BBS4: variants seen among roughly 807,000 people sequenced by gnomAD.
The protein encoded by BBS4 is Bardet-Biedl syndrome 4.
Under a neutral mutation model 71.4 loss-of-function variants are expected in BBS4, and 58 were observed. The observed-to-expected ratio is 0.81, with a 90% CI of 0.66 to 1.01. BBS4 has a LOEUF of 1.01. BBS4 is among the 50% of genes least tolerant of loss of function. The pLI is 0.00. For synonymous variants in BBS4, 228 were observed against 216.8 expected (o/e 1.05, Z -0.46); for missense variants, 660 against 607.9 (o/e 1.09, Z -0.90).
In BBS4 at chr15:72,738,291, AAAGG is replaced by A. The variant is rs1229768932; in HGVS notation, c.*708_*711del. On this transcript the variant is annotated 3_prime_UTR_variant, in exon 16 of 16. Transcript: ENST00000268057. The stretch of plus-strand genomic sequence containing the variant: ...ATCAGCACCAACGATTTTAAAGAAA[AAAGG>A]AAGAGTTTCTTAGATGAGTAATTGT... The A allele has an allele frequency of 4.4e-6, 2 of 453,978 alleles. No individual in the cohort carries two copies. Among genetic ancestry groups the A allele is most frequent in the African/African-American group, 4.0e-5 (2 of 50,002 alleles). 28.1% of individuals were successfully genotyped at this position (453,978 alleles called of 1,614,324 possible).
intron 2 of BBS4, among the ~76,000 whole-genome samples, chr15:72,704,882 AAAAACAAAACAAAAC>A (rs543644919): frequency 1.3e-5 from 2 of 152,054 alleles, no homozygotes; most frequent in African/African-American, 4.8e-5. Context: ...TCCATCTCAA[AAAAACAAAACAAAAC>A]AAAACAAAAC....
At chr15:72,686,704 G>A (rs1325423406) in intron 1 of BBS4, 1 of 635,318 alleles carries the variant, frequency 1.6e-6, no homozygotes, top group East Asian at 6.6e-5. Context: ...GTTTAGGAAA[G>A]TACGGTTTTG....
intron 2 of BBS4, among the ~76,000 whole-genome samples, chr15:72,705,399 C>T (rs1330522205): frequency 4.6e-5 from 7 of 152,148 alleles, no homozygotes; most frequent in South Asian, 4.1e-4. Context: ...TTTGATGGAA[C>T]GAAAATTAGC....
At chr15:72,728,102 T>C (rs1393731292) in intron 9 of BBS4, 108 bp downstream of exon 9, 2 of 793,280 alleles carry the variant, frequency 2.5e-6, no homozygotes, top group Admixed American at 2.0e-5. Flanking sequence ...AAAGGTCATA[T>C]AAAGTTCATG....
chr15:72,735,820 C>T lies in BBS4; in HGVS notation c.1107-5C>T. Reference sequence around the variant, plus strand: ...CCAGCTCCATAGAATCTCTGTCTGCCACAGGTGTAACCCTTTAGTAAACCT... The same window carrying T: ...CCAGCTCCATAGAATCTCTGTCTGCTACAGGTGTAACCCTTTAGTAAACCT... On this transcript the variant is annotated splice_region_variant and splice_polypyrimidine_tract_variant and intron_variant, in intron 13 of 15. Transcript: ENST00000268057. 1 of 1,614,108 alleles carries T rather than the reference C, an allele frequency of 6.2e-7. No individual in the cohort carries two copies. Among genetic ancestry groups the T allele is most frequent in the Non-Finnish European group, 8.5e-7 (1 of 1,180,012 alleles).
At chr15:72,701,787 C>T (rs1329199561) in intron 2 of BBS4, among the ~76,000 whole-genome samples, 1 of 152,148 alleles carries the variant, frequency 6.6e-6, no homozygotes, top group Middle Eastern at 3.4e-3. Flanking sequence ...AGTCTTCCTA[C>T]TTTGATATAT....
chr15:72,701,979 A>T (rs1396944690), intron 2 of BBS4, among the ~76,000 whole-genome samples: 1 of 151,662 alleles, frequency 6.6e-6, no homozygotes, highest in Non-Finnish European at 1.5e-5. Flanking sequence ...CTGGGACTAC[A>T]GGTGTGTGCC....
chr15:72,723,770 CTTGG>C (rs1254601669), intron 7 of BBS4, among the ~76,000 whole-genome samples: 2 of 152,072 alleles, frequency 1.3e-5, no homozygotes, highest in African/African-American at 4.8e-5. Flanking sequence ...GTTTTATATA[CTTGG>C]TTAGGAGATT....
chr15:72,702,711 A>G (rs2065192267), intron 2 of BBS4, among the ~76,000 whole-genome samples: 2 of 151,436 alleles, frequency 1.3e-5, no homozygotes, highest in Non-Finnish European at 2.9e-5. Context: ...GTACCTGAAC[A>G]GAGTAGATGT....
intron 2 of BBS4, among the ~76,000 whole-genome samples, chr15:72,707,041 T>C (rs1274467952): frequency 6.6e-6 from 1 of 152,016 alleles, no homozygotes; most frequent in Non-Finnish European, 1.5e-5. Flanking sequence ...GCTTTTTTTT[T>C]CTTCCTGTCA....
At chr15:72,713,411 C>G (rs529076477) in intron 4 of BBS4, among the ~76,000 whole-genome samples, 9 of 152,018 alleles carry the variant, frequency 5.9e-5, no homozygotes, top group Admixed American at 3.9e-4. Context: ...ATATCACTGT[C>G]TTCCACCTCC....
intron 1 of BBS4, among the ~76,000 whole-genome samples, chr15:72,688,083 A>G (rs2064905459): frequency 6.6e-6 from 1 of 151,164 alleles, no homozygotes; most frequent in African/African-American, 2.4e-5. Context: ...AATACTTCTA[A>G]GTAATCTTAA....
At position 72,713,710 on chromosome 15, in the gene BBS4, A is replaced by C. The variant is rs186510352; in HGVS notation, c.220+1403A>C. Among the ~76,000 whole-genome samples, 4 of 152,304 alleles carry C rather than the reference A, an allele frequency of 2.6e-5. No homozygotes were observed. In the East Asian group the frequency reaches 7.7e-4, roughly 29 times the overall value. On this transcript the variant is annotated intron_variant, in intron 4 of 15. Coordinates refer to ENST00000268057, the MANE Select transcript of BBS4 (RefSeq NM_033028.5). ...CAGTAGGTTTGTTTATACCAGCATC[A>C]CTACAGATAGGTAAGTAATGCATTG...
intron 14 of BBS4, among the ~76,000 whole-genome samples, chr15:72,736,178 T>C (rs1003568898): frequency 6.6e-6 from 1 of 152,108 alleles, no homozygotes; most frequent in South Asian, 2.1e-4. Context: ...TGAGTTGTTA[T>C]TGCTAATTCA....
chr15:72,686,218 C>G lies in BBS4; in HGVS notation c.-10C>G. 1 of 1,561,330 alleles carries G rather than the reference C, an allele frequency of 6.4e-7. No individual in the cohort carries two copies. The highest frequency in any genetic ancestry group is 8.7e-7 in the Non-Finnish European group (1 of 1,153,708). On this transcript the variant is annotated 5_prime_UTR_variant, in exon 1 of 16. Transcript: ENST00000268057. ...CGACTTCCGGCCGCGCAGCGGTGGG[C>G]TGAGCTAAAATGGCTGAGGAGAGAG...
chr15:72,714,445 C>T (rs1164767111), intron 4 of BBS4, among the ~76,000 whole-genome samples: 1 of 151,954 alleles, frequency 6.6e-6, no homozygotes, highest in African/African-American at 2.4e-5. Context: ...AGGCTGGTCT[C>T]GAACTCCTGA....
At chr15:72,713,314 G>GAC (rs36072427) in intron 4 of BBS4, among the ~76,000 whole-genome samples, 10,605 of 143,384 alleles carry the variant, frequency 0.074, 435 homozygotes, top group African/African-American at 0.085. Flanking sequence ...AGGTCTTTGT[G>GAC]ACACACACAC....
At chr15:72,693,024 C>A (rs748837017) in intron 1 of BBS4, among the ~76,000 whole-genome samples, 1 of 152,128 alleles carries the variant, frequency 6.6e-6, no homozygotes, top group Non-Finnish European at 1.5e-5. Context: ...GGAAGTTATA[C>A]TTTGCCTTCC....
At chr15:72,737,016 C>CT in intron 15 of BBS4, 53 bp downstream of exon 15, 1 of 1,574,414 alleles carries the variant, frequency 6.4e-7, no homozygotes. Flanking sequence ...CCACATGTGT[C>CT]TGTCAGCAGA....
Sources: gnomAD v4.1 joint callset for allele counts (sites outside exome capture counted in the v4.1 genomes callset) on GRCh38, gnomAD v4.1.1 for gene constraint, MANE v1.5 for transcripts, NCBI Gene and HGNC (gene_info 2026-07-23, HGNC 2026-07-21) for gene names.